EIF4G3: variants seen among roughly 807,000 people sequenced by gnomAD.
EIF4G3 encodes the protein eukaryotic translation initiation factor 4 gamma 3.
EIF4G3 carries 34 observed loss-of-function variants against 186.4 expected under a neutral mutation model. The ratio of observed to expected loss-of-function variants is 0.18; its 90% CI spans 0.14 to 0.24. The LOEUF is 0.24. EIF4G3 is among the 10% of genes least tolerant of loss of function. EIF4G3 has a pLI of 1.00. For missense variants in EIF4G3, 1,536 were observed against 1,948.5 expected (o/e 0.79, Z 3.99); for synonymous variants, 673 against 679.5 (o/e 0.99, Z 0.15).
At chr1:21,171,023 T>C (rs2097955807) in intron 2 of EIF4G3, among the ~76,000 whole-genome samples, 1 of 151,938 alleles carries the variant, frequency 6.6e-6, no homozygotes, top group Non-Finnish European at 1.5e-5. Flanking sequence ...AACCAACAAA[T>C]TTCAAATGCA....
At chr1:20,871,008 C>A (rs553705633) in intron 20 of EIF4G3, among the ~76,000 whole-genome samples, 2 of 152,070 alleles carry the variant, frequency 1.3e-5, no homozygotes, top group African/African-American at 4.8e-5. Flanking sequence ...TACAGAGCAA[C>A]GAGGGAAAGC....
chr1:21,062,249 A>G (rs2094956169), intron 3 of EIF4G3, among the ~76,000 whole-genome samples: 1 of 151,832 alleles, frequency 6.6e-6, no homozygotes, highest in African/African-American at 2.4e-5. Context: ...TTGGTGAGAC[A>G]GGGCCTCACT....
chr1:21,173,383 G>A (rs949690368), intron 2 of EIF4G3, among the ~76,000 whole-genome samples: 1 of 151,862 alleles, frequency 6.6e-6, no homozygotes, highest in Admixed American at 6.6e-5. Context: ...TTTTAGTAGA[G>A]ACCAGGTTTC....
At chr1:20,846,009 G>A (rs568017497) in intron 29 of EIF4G3, among the ~76,000 whole-genome samples, 7 of 152,206 alleles carry the variant, frequency 4.6e-5, no homozygotes, top group South Asian at 4.1e-4. Flanking sequence ...TCCTTGTAGT[G>A]ATCCTTCACT....
intron 28 of EIF4G3, among the ~76,000 whole-genome samples, chr1:20,850,981 G>A (rs1167727496): frequency 2.0e-5 from 3 of 152,150 alleles, no homozygotes; most frequent in Non-Finnish European, 2.9e-5. Context: ...ATGTTACAGG[G>A]ACTTGTAAGA....
intron 14 of EIF4G3, among the ~76,000 whole-genome samples, chr1:20,926,420 C>T (rs1346880328): frequency 6.6e-6 from 1 of 152,164 alleles, no homozygotes; most frequent in African/African-American, 2.4e-5. Flanking sequence ...TAGCTCATGC[C>T]TGTAACCCCA....
chr1:21,034,898 C>T lies in EIF4G3; in HGVS notation c.-67+15968G>A, dbSNP rs565895341. Among the ~76,000 whole-genome samples the T allele has an allele frequency of 4.4e-4, 67 of 152,194 alleles. 1 individual carries two copies. Among genetic ancestry groups the T allele is most frequent in the African/African-American group, 1.6e-3 (67 of 41,556 alleles). Reference sequence around the variant, plus strand: ...TGGGCCCAGAATCTGCTCCCAGAGGCGCCACCCTGGCAGGGTCGTAAGCCA... The same window carrying T: ...TGGGCCCAGAATCTGCTCCCAGAGGTGCCACCCTGGCAGGGTCGTAAGCCA... On this transcript the variant is annotated intron_variant, in intron 4 of 36. Coordinates refer to ENST00000602326, the MANE Select transcript of EIF4G3 (RefSeq NM_001391906.1).
intron 34 of EIF4G3, among the ~76,000 whole-genome samples, chr1:20,817,048 G>T (rs1442385153): frequency 4.3e-5 from 6 of 140,474 alleles, no homozygotes; most frequent in Non-Finnish European, 9.2e-5. Flanking sequence ...AAGGCAGCAT[G>T]CTCGTTAAGA....
At chr1:21,105,934 G>A (rs573201205) in intron 2 of EIF4G3, among the ~76,000 whole-genome samples, 3 of 152,138 alleles carry the variant, frequency 2.0e-5, no homozygotes, top group South Asian at 2.1e-4. Flanking sequence ...GGGCATGGTC[G>A]CATGTGCCTG....
chr1:21,158,306 G>A (rs989963504), intron 2 of EIF4G3, among the ~76,000 whole-genome samples: 1 of 151,364 alleles, frequency 6.6e-6, no homozygotes, highest in Admixed American at 6.6e-5. Context: ...CTCCTGAGTG[G>A]CTGGGACCAG....
chr1:20,918,547 A>G (rs2094161172), intron 14 of EIF4G3, among the ~76,000 whole-genome samples: 1 of 152,036 alleles, frequency 6.6e-6, no homozygotes, highest in Non-Finnish European at 1.5e-5. Flanking sequence ...TCATAACTAT[A>G]TGAGTTATTC....
chr1:20,935,431 T>C (rs1222301991), intron 14 of EIF4G3, among the ~76,000 whole-genome samples: 1 of 152,194 alleles, frequency 6.6e-6, no homozygotes, highest in Non-Finnish European at 1.5e-5. Context: ...AAAAGAAATA[T>C]ATTGAAGGAA....
At chr1:21,101,254 T>C (rs549233849) in intron 2 of EIF4G3, among the ~76,000 whole-genome samples, 1 of 152,192 alleles carries the variant, frequency 6.6e-6, no homozygotes, top group African/African-American at 2.4e-5. Context: ...TTCATCTTAA[T>C]TTAAATCACT....
intron 30 of EIF4G3, among the ~76,000 whole-genome samples, chr1:20,834,230 A>G (rs1031917380): frequency 1.3e-5 from 2 of 152,120 alleles, no homozygotes; most frequent in East Asian, 1.9e-4. Context: ...AGGAGGATCA[A>G]TTGAGCCTAG....
At chr1:21,019,556 A>T (rs2090142641) in intron 4 of EIF4G3, among the ~76,000 whole-genome samples, 1 of 152,192 alleles carries the variant, frequency 6.6e-6, no homozygotes. Flanking sequence ...ATCTTTTATT[A>T]TCGAGGGAGA....
intron 13 of EIF4G3, among the ~76,000 whole-genome samples, chr1:20,944,540 G>T (rs2095859844): frequency 6.6e-6 from 1 of 151,274 alleles, no homozygotes; most frequent in Admixed American, 6.6e-5. Context: ...AAAGAAAAGT[G>T]GGGAGAAGGA....
At chr1:20,988,364 C>G (rs2080097525) in intron 7 of EIF4G3, 1 of 170,116 alleles carries the variant, frequency 5.9e-6, no homozygotes, top group Non-Finnish European at 1.5e-5. Flanking sequence ...TTCTCTTTAG[C>G]TAGGACTTTC....
At chr1:20,917,787 G>A (rs2154559251) in intron 14 of EIF4G3, among the ~76,000 whole-genome samples, 1 of 152,204 alleles carries the variant, frequency 6.6e-6, no homozygotes, top group South Asian at 2.1e-4. Flanking sequence ...TAGAAATACT[G>A]AAGTGTTCTG....
At chr1:21,152,096 A>T (rs2097560489) in intron 2 of EIF4G3, among the ~76,000 whole-genome samples, 1 of 152,080 alleles carries the variant, frequency 6.6e-6, no homozygotes, top group South Asian at 2.1e-4. Context: ...AGTTCTAAAG[A>T]CTCCCGGATC....
Sources: gnomAD v4.1 joint callset for allele counts (sites outside exome capture counted in the v4.1 genomes callset) on GRCh38, gnomAD v4.1.1 for gene constraint, MANE v1.5 for transcripts, NCBI Gene and HGNC (gene_info 2026-07-23, HGNC 2026-07-21) for gene names.